The following COMMD10 variants were observed in gnomAD, a reference collection of about 807,000 sequenced individuals.
COMMD10 encodes COMM domain containing 10, also known as COMM domain-containing protein 10.
In COMMD10, 33 loss-of-function variants were observed where a neutral mutation model predicts 28.9. The observed-to-expected ratio is 1.14, with a 90% confidence interval of 0.87 to 1.53. COMMD10 has a LOEUF of 1.53. COMMD10 is among the 40% of genes most tolerant of loss of function. The pLI, the probability that COMMD10 is intolerant of heterozygous loss-of-function variation, is 0.00. For missense variants in COMMD10, 310 were observed against 233.4 expected, an observed-to-expected ratio of 1.33 and a Z score of -2.14; for synonymous variants, 110 against 81.7, an observed-to-expected ratio of 1.35 and a Z score of -1.87.
chr5:116,215,726 A>ATATATATG (rs1403771698), intron 5 of COMMD10, among the ~76,000 whole-genome samples: 7 of 107,408 alleles, frequency 6.5e-5, no homozygotes, highest in Non-Finnish European at 1.3e-4. Context: ...ATATATATAT[A>ATATATATG]TATATGTATA....
intron 5 of COMMD10, among the ~76,000 whole-genome samples, chr5:116,195,019 G>A (rs1238556223): frequency 6.6e-6 from 1 of 152,068 alleles, no homozygotes; most frequent in Non-Finnish European, 1.5e-5. Flanking sequence ...ACATATACAA[G>A]TCAATAAATG....
intron 5 of COMMD10, among the ~76,000 whole-genome samples, chr5:116,165,055 A>C (rs945078002): frequency 2.0e-5 from 3 of 152,198 alleles, no homozygotes; most frequent in African/African-American, 7.2e-5. Context: ...AAACTTATTT[A>C]AGTAAAGTGT....
chr5:116,282,960 G>C (rs1479203024), intron 5 of COMMD10, among the ~76,000 whole-genome samples: 1 of 151,926 alleles, frequency 6.6e-6, no homozygotes, highest in African/African-American at 2.4e-5. Context: ...TGTACACATA[G>C]GAGCAGAGAC....
chr5:116,235,085 C>T (rs1749627033), intron 5 of COMMD10, among the ~76,000 whole-genome samples: 1 of 152,102 alleles, frequency 6.6e-6, no homozygotes, highest in Admixed American at 6.5e-5. Flanking sequence ...CAGATCTGTG[C>T]CTTTTATATA....
chr5:116,228,028 T>G (rs1002808680), intron 5 of COMMD10, among the ~76,000 whole-genome samples: 5 of 151,986 alleles, frequency 3.3e-5, no homozygotes, highest in African/African-American at 1.2e-4. Flanking sequence ...GTTAAAATCT[T>G]TTATAGGAAA....
chr5:116,122,001 A>T (rs1418956104), intron 4 of COMMD10, among the ~76,000 whole-genome samples: 2 of 151,790 alleles, frequency 1.3e-5, no homozygotes, highest in African/African-American at 4.8e-5. Context: ...ATTCCATTTG[A>T]CTATTTTGGC....
intron 4 of COMMD10, among the ~76,000 whole-genome samples, chr5:116,130,792 G>T (rs1751839189): frequency 1.3e-5 from 2 of 151,942 alleles, no homozygotes; most frequent in Admixed American, 1.3e-4. Flanking sequence ...CCTATCTCTA[G>T]TTAGTAACTT....
At chr5:116,087,953 C>T (rs1750165445) in intron 2 of COMMD10, among the ~76,000 whole-genome samples, 1 of 152,040 alleles carries the variant, frequency 6.6e-6, no homozygotes, top group African/African-American at 2.4e-5. Context: ...ATTCTGATGT[C>T]TTGGTTTTAT....
chr5:116,284,284 G>A (rs1751159111), intron 5 of COMMD10, among the ~76,000 whole-genome samples: 2 of 151,860 alleles, frequency 1.3e-5, no homozygotes, highest in African/African-American at 4.9e-5. Context: ...GCTAAAGACA[G>A]CTATTTTTAA....
rs535502057 is a variant in COMMD10, at chr5:116,135,313, G to A, written c.510+1135G>A. On this transcript the variant is annotated intron_variant, in intron 5 of 6. Coordinates refer to ENST00000274458, the MANE Select transcript of COMMD10 (RefSeq NM_016144.4). The stretch of plus-strand genomic sequence containing the variant: ...TTATTACTTTTTTGTTAAAACTTTC[G>A]CTATTCATTCTATTATGCAGGTTTC... 7.2e-5 allele frequency among the ~76,000 whole-genome samples: 11 copies of A among 152,236 alleles called. No homozygotes were observed. In the South Asian group the frequency reaches 1.9e-3, roughly 26 times the overall value.
chr5:116,206,027 A>C (rs527639674), intron 5 of COMMD10, among the ~76,000 whole-genome samples: 1 of 152,294 alleles, frequency 6.6e-6, no homozygotes, highest in East Asian at 1.9e-4. Flanking sequence ...AAGTTGAATA[A>C]AATTTCATCA....
At chr5:116,192,055 G>C (rs1748385489) in intron 5 of COMMD10, among the ~76,000 whole-genome samples, 1 of 148,524 alleles carries the variant, frequency 6.7e-6, no homozygotes, top group African/African-American at 2.5e-5. Flanking sequence ...ACCCAGAAGA[G>C]AGACAGTAAT....
At chr5:116,204,830 C>T (rs919645517) in intron 5 of COMMD10, among the ~76,000 whole-genome samples, 1 of 152,120 alleles carries the variant, frequency 6.6e-6, no homozygotes, top group Non-Finnish European at 1.5e-5. Context: ...AGAAGACATT[C>T]AACTAGAGCT....
In COMMD10 at chr5:116,292,504, GT is replaced by G; in HGVS notation, c.*22del. On this transcript the variant is annotated 3_prime_UTR_variant, in exon 7 of 7. Transcript: ENST00000274458. Reference sequence around the variant, plus strand: ...CCCTTACATGATGTTTTCGAAGACTGTTTTTTTCATCACGCTCCTGCCACCT... The same window carrying G: ...CCCTTACATGATGTTTTCGAAGACTGTTTTTTCATCACGCTCCTGCCACCT... 3 of 1,573,856 alleles carry G rather than the reference GT, an allele frequency of 1.9e-6. No homozygotes were observed. Among genetic ancestry groups the G allele is most frequent in the Non-Finnish European group, 8.6e-7 (1 of 1,158,028 alleles).
chr5:116,140,987 A>G (rs1752178004), intron 5 of COMMD10, among the ~76,000 whole-genome samples: 1 of 151,798 alleles, frequency 6.6e-6, no homozygotes, highest in African/African-American at 2.4e-5. Flanking sequence ...TTGGTGTGAT[A>G]ATTCAAAATA....
At chr5:116,229,323 T>G (rs370293121) in intron 5 of COMMD10, among the ~76,000 whole-genome samples, 15 of 152,104 alleles carry the variant, frequency 9.9e-5, no homozygotes, top group East Asian at 5.8e-4. Flanking sequence ...TAAAACCACT[T>G]GAACTGGCAT....
At chr5:116,167,383 A>G (rs1303948969) in intron 5 of COMMD10, among the ~76,000 whole-genome samples, 1 of 152,150 alleles carries the variant, frequency 6.6e-6, no homozygotes, top group Admixed American at 6.5e-5. Context: ...TGTACCTGAA[A>G]GTGATGGGGA....
At position 116,215,820 on chromosome 5, in the gene COMMD10, C is replaced by T. The variant is rs1749086096; in HGVS notation, c.511-75697C>T. On this transcript the variant is annotated intron_variant, in intron 5 of 6. Transcript: ENST00000274458. ...CATTTGTTTATACTTTTAATATGTT[C>T]TGTTTACTTGTAATCAATGTGGAGT... 6.1e-5 allele frequency among the ~76,000 whole-genome samples: 9 copies of T among 147,194 alleles called. No homozygotes were observed. In the Admixed American group the frequency reaches 6.2e-4, roughly 10 times the overall value.
At chr5:116,088,235 C>A (rs1244079428) in intron 2 of COMMD10, among the ~76,000 whole-genome samples, 2 of 152,220 alleles carry the variant, frequency 1.3e-5, no homozygotes, top group East Asian at 1.9e-4. Flanking sequence ...AAGACTCTTA[C>A]TCTGTCATCT....
Sources: allele counts gnomAD v4.1 joint callset (sites outside exome capture counted in the v4.1 genomes callset), GRCh38; gene constraint gnomAD v4.1.1; transcripts MANE v1.5; gene names NCBI Gene and HGNC (gene_info 2026-07-23, HGNC 2026-07-21).